The following ARID1B variants were observed in gnomAD, a reference collection of about 807,000 sequenced individuals.
ARID1B encodes the protein AT-rich interaction domain 1B.
Under a neutral mutation model 212.3 loss-of-function variants are expected in ARID1B, and 30 were observed. That is an observed-to-expected ratio of 0.14 (90% CI 0.11 to 0.19). The LOEUF (loss-of-function observed/expected upper bound fraction) is 0.19. Ranked by LOEUF, ARID1B falls within the 10% of genes least tolerant of loss-of-function variation. ARID1B has a pLI of 1.00. For missense variants in ARID1B, 2,891 were observed against 3,204.0 expected (o/e 0.90, Z 2.36); for synonymous variants, 1,402 against 1,301.7 (o/e 1.08, Z -1.66).
Position 156,778,966 on chromosome 6 carries a change from C to G in ARID1B, c.1286C>G (p.Ala429Gly). 2.3e-6 allele frequency: 3 copies of G among 1,282,614 alleles called. No homozygotes were observed. The highest frequency in any genetic ancestry group is 2.0e-6 in the Non-Finnish European group (2 of 1,024,984). The allele number at this position is 1,282,614 out of a possible 1,614,324, so 79.5% of individuals were successfully genotyped here. The change falls in exon 1 of 20, where the codon GCG (alanine) becomes GGG (glycine). Residue 429 changes from alanine (A) to glycine (G), a missense_variant. Around this residue, in one of 7 missense-constraint regions of ARID1B, gnomAD observed 1,643 missense variants for 1,544.0 expected, o/e 1.06. Coordinates refer to ENST00000636930, the MANE Select transcript of ARID1B (RefSeq NM_001374828.1). The stretch of plus-strand genomic sequence containing the variant: ...GCTGTGGCGGCGGCGGCCGCGGCGG[C>G]GGCGGCAGCAGCAGGAGGCGGCGGC... ...AGAVAAAAAA[A>G]AAAAGGGGGG... is the part of the protein sequence containing the mutation.
chr6:156,798,053 C>T (rs76331478), intron 1 of ARID1B, among the ~76,000 whole-genome samples: 88 of 152,280 alleles, frequency 5.8e-4, no homozygotes, highest in African/African-American at 1.8e-3. Flanking sequence ...GTCGGGAAGG[C>T]GGCAGTTTGC....
intron 1 of ARID1B, among the ~76,000 whole-genome samples, chr6:156,812,668 T>C (rs1417240319): frequency 6.6e-6 from 1 of 152,126 alleles, no homozygotes; most frequent in Non-Finnish European, 1.5e-5. Context: ...TCCTCTTTCA[T>C]CTAAATCTTT....
At chr6:156,837,488 T>C (rs1583134675) in intron 2 of ARID1B, among the ~76,000 whole-genome samples, 1 of 151,884 alleles carries the variant, frequency 6.6e-6, no homozygotes, top group South Asian at 2.1e-4. Flanking sequence ...GATGGCTTTG[T>C]TTTTGTATTT....
intron 1 of ARID1B, among the ~76,000 whole-genome samples, chr6:156,812,956 G>A: frequency 8.2e-6 from 1 of 121,230 alleles, no homozygotes; most frequent in African/African-American, 2.9e-5. Flanking sequence ...GTGTGTGTGT[G>A]TGTGTGTGTG....
At chr6:156,973,698 T>C (rs1198770974) in intron 4 of ARID1B, among the ~76,000 whole-genome samples, 5 of 152,206 alleles carry the variant, frequency 3.3e-5, no homozygotes, top group Admixed American at 2.0e-4. Flanking sequence ...GAGACTTGAT[T>C]TGTTTGTCTT....
chr6:157,118,087 A>G (rs1375636581), intron 6 of ARID1B, among the ~76,000 whole-genome samples: 1 of 152,230 alleles, frequency 6.6e-6, no homozygotes, highest in African/African-American at 2.4e-5. Flanking sequence ...GGTGATATTT[A>G]TACCAAAAGT....
chr6:156,909,566 A>C (rs950250665), intron 3 of ARID1B, among the ~76,000 whole-genome samples: 8 of 152,190 alleles, frequency 5.3e-5, no homozygotes, highest in Admixed American at 5.2e-4. Flanking sequence ...TTCAAGCAAA[A>C]TTTAAACAAG....
intron 9 of ARID1B, chr6:157,168,263 AT>A (rs916777842): frequency 1.3e-5 from 2 of 152,198 alleles, no homozygotes; most frequent in African/African-American, 4.8e-5. Flanking sequence ...TTCCATGATA[AT>A]TTCTCTTGAA....
intron 4 of ARID1B, among the ~76,000 whole-genome samples, chr6:156,974,884 A>G (rs767896745): frequency 5.9e-5 from 9 of 152,178 alleles, no homozygotes; most frequent in East Asian, 5.8e-4. Flanking sequence ...CAGTATCTCA[A>G]TATTTTATAA....
At chr6:156,776,145 A>G (rs911753772), upstream of ARID1B, among the ~76,000 whole-genome samples, 4 of 152,260 alleles carry the variant, frequency 2.6e-5, no homozygotes, top group Non-Finnish European at 5.9e-5. Context: ...TGTTTCTGCC[A>G]GGTTTTAAAT....
At chr6:157,044,720 A>G (rs576622095) in intron 4 of ARID1B, among the ~76,000 whole-genome samples, 1 of 152,318 alleles carries the variant, frequency 6.6e-6, no homozygotes, top group South Asian at 2.1e-4. Flanking sequence ...GAGCTGTGCT[A>G]TCCAGTGTGG....
chr6:157,149,072 T>G, intron 8 of ARID1B, 121 bp downstream of exon 8: 1 of 1,027,536 alleles, frequency 9.7e-7, no homozygotes, highest in Non-Finnish European at 1.4e-6. Flanking sequence ...GTCACTGTGC[T>G]TGGCCGTTCT....
chr6:156,959,621 ATATTTT>A (rs964271434), intron 4 of ARID1B, among the ~76,000 whole-genome samples: 4 of 152,192 alleles, frequency 2.6e-5, no homozygotes, highest in African/African-American at 9.7e-5. Context: ...TATTATTAAA[ATATTTT>A]TAATAAAATT....
chr6:157,065,323 G>T (rs1217841745), intron 4 of ARID1B, among the ~76,000 whole-genome samples: 1 of 152,074 alleles, frequency 6.6e-6, no homozygotes, highest in Non-Finnish European at 1.5e-5. Flanking sequence ...TTTGGCTCTG[G>T]GTATTAACTG....
intron 4 of ARID1B, among the ~76,000 whole-genome samples, chr6:157,027,411 C>T (rs1014589870): frequency 5.3e-5 from 8 of 152,156 alleles, no homozygotes; most frequent in Non-Finnish European, 1.0e-4. Context: ...TTGGTCGTAA[C>T]CACTATTTCA....
chr6:157,184,169 TCTCCTGGCTTTAAACAAG>T, intron 12 of ARID1B, 44 bp from the exon 13 acceptor site: 1 of 1,473,136 alleles, frequency 6.8e-7, no homozygotes, highest in South Asian at 1.3e-5. Flanking sequence ...GCTTTTTTTG[TCTCCTGGCTTTAAACAAG>T]CCACTTTGTT....
Position 157,206,181 on chromosome 6 carries a change from C to T in ARID1B, c.5409C>T (p.Leu1803=), listed in dbSNP as rs766430210. ...CTCCTCTCCAGTTGTCTGGATTTCTCGAACTTTTAGTCGAGTACTTTAGAA... is the reference window on the plus strand; with the variant it reads ...CTCCTCTCCAGTTGTCTGGATTTCTTGAACTTTTAGTCGAGTACTTTAGAA... ...TFNLSQLSGF[L]ELLVEYFRKC... Residue 1803 remains leucine (L), a synonymous_variant, in exon 20 of 20, where the codon CTC becomes CTT. Coordinates refer to ENST00000636930, the MANE Select transcript of ARID1B (RefSeq NM_001374828.1). This position sits in a 1 kb window ranked among gnomAD's most constrained non-coding sequence, Gnocchi z 6.8. 62 of 1,613,782 alleles carry T rather than the reference C, an allele frequency of 3.8e-5. No homozygotes were observed. The Middle Eastern group carries it at 4.9e-4, about 13-fold the overall frequency.
rs1313083728 is a variant in ARID1B, at chr6:157,207,570, A to G, written c.6798A>G (p.Ala2266=). ...TATCGAACCTTGCCCAAGGGGACGCACTAGCAGCAAGGGCCATAGCTGTGC... is the reference window on the plus strand; with the variant it reads ...TATCGAACCTTGCCCAAGGGGACGCGCTAGCAGCAAGGGCCATAGCTGTGC... ...ALLSNLAQGD[A]LAARAIAVQK... Residue 2266 remains alanine (A), a synonymous_variant, in exon 20 of 20, where the codon GCA becomes GCG. Transcript: ENST00000636930. This position sits in a 1 kb window ranked among gnomAD's most constrained non-coding sequence, Gnocchi z 8.5. The G allele has an allele frequency of 6.2e-7, 1 of 1,614,096 alleles. No homozygotes were observed. Among genetic ancestry groups the G allele is most frequent in the Admixed American group, 1.7e-5 (1 of 60,000 alleles).
intron 2 of ARID1B, among the ~76,000 whole-genome samples, chr6:156,855,283 T>C (rs1784837189): frequency 6.6e-6 from 1 of 152,198 alleles, no homozygotes. Context: ...AGCACATTGT[T>C]TTTTGATTTT....
Sources: allele counts gnomAD v4.1 joint callset (sites outside exome capture counted in the v4.1 genomes callset), GRCh38; gene constraint gnomAD v4.1.1; regional missense constraint gnomAD v4.1.1; non-coding constraint Gnocchi (gnomAD v3.1); transcripts MANE v1.5; gene names NCBI Gene and HGNC (gene_info 2026-07-23, HGNC 2026-07-21).